The following PTGES3L variants were observed in gnomAD, a reference collection of about 807,000 sequenced individuals.
PTGES3L encodes prostaglandin E synthase 3 like, also known as putative protein PTGES3L.
PTGES3L carries 17 observed loss-of-function variants against 25.0 expected under a neutral mutation model. The observed-to-expected ratio is 0.68, with a 90% CI of 0.47 to 1.02. PTGES3L has a LOEUF of 1.02. Among genes scored for constraint, PTGES3L ranks in the 50% least tolerant of loss-of-function variants. The pLI, the probability that PTGES3L is intolerant of heterozygous loss-of-function variation, is 0.00. For synonymous variants in PTGES3L, 59 were observed against 65.7 expected (o/e 0.90, Z 0.50); for missense variants, 202 against 197.5 (o/e 1.02, Z -0.14).
Position 42,969,084 on chromosome 17 carries a change from G to T in PTGES3L, c.*64C>A. 2 of 1,278,274 alleles carry T rather than the reference G, an allele frequency of 1.6e-6. No individual in the cohort carries two copies. Among genetic ancestry groups the T allele is most frequent in the Non-Finnish European group, 1.1e-6 (1 of 900,012 alleles). 79.2% of individuals were successfully genotyped at this position (1,278,274 alleles called of 1,614,324 possible). A position where few individuals can be genotyped will look rare whatever the true frequency, so the allele number is the denominator to read the frequency against. On this transcript the variant is annotated 3_prime_UTR_variant, in exon 7 of 7. Coordinates refer to ENST00000591916, the MANE Select transcript of PTGES3L (RefSeq NM_001261430.2). ...CCAAAGCGCTGACAAAGGCCTAGGC[G>T]CTAGCTTTCTAGAACAACTGGAAAA...
intron 5 of PTGES3L, among the ~76,000 whole-genome samples, chr17:42,970,678 A>ACACACACACG (rs1243278751): frequency 2.0e-4 from 6 of 29,374 alleles, no homozygotes; most frequent in South Asian, 4.2e-3. Context: ...TAACACGCGC[A>ACACACACACG]CACACACACA....
In PTGES3L at chr17:42,969,136, C is replaced by T. The variant is rs186565863; in HGVS notation, c.*12G>A. On this transcript the variant is annotated 3_prime_UTR_variant, in exon 7 of 7. Coordinates refer to ENST00000591916, the MANE Select transcript of PTGES3L (RefSeq NM_001261430.2). ...AGCCACAGCTGCCTTCCCAGCTTTG[C>T]GTCACAGAAAGTTAATTACTTGTTG... The T allele has an allele frequency of 3.0e-4, 460 of 1,537,636 alleles. 3 individuals carry two copies. The South Asian group carries it at 4.8e-3, about 16-fold the overall frequency.
chr17:42,968,983 A>C lies in PTGES3L; in HGVS notation c.*165T>G. 1.7e-6 allele frequency: 1 copy of C among 574,322 alleles called. No individual in the cohort carries two copies. Among genetic ancestry groups the C allele is most frequent in the Non-Finnish European group, 3.1e-6 (1 of 320,744 alleles). 35.6% of individuals were successfully genotyped at this position (574,322 alleles called of 1,614,324 possible). A position where few individuals can be genotyped will look rare whatever the true frequency, so the allele number is the denominator to read the frequency against. On this transcript the variant is annotated 3_prime_UTR_variant, in exon 7 of 7. Coordinates refer to ENST00000591916, the MANE Select transcript of PTGES3L (RefSeq NM_001261430.2). ...AGCCATAGTCAAGTGCCTAGGAGGA[A>C]GACAAGCTTGAAGGACGACCCTTAA... is the stretch of plus-strand genomic sequence containing the variant.
At chr17:42,975,087 G>T (rs1205994197) in intron 4 of PTGES3L, among the ~76,000 whole-genome samples, 2 of 127,446 alleles carry the variant, frequency 1.6e-5, no homozygotes, top group Non-Finnish European at 3.1e-5. Context: ...TGTGAACCTT[G>T]ATTATGCCAC....
chr17:42,971,395 CA>C (rs2049834184), intron 5 of PTGES3L, among the ~76,000 whole-genome samples: 1 of 152,102 alleles, frequency 6.6e-6, no homozygotes, highest in African/African-American at 2.4e-5. Context: ...ATAAGTGAAT[CA>C]ATGTATATAA....
chr17:42,973,709 C>G (rs1442371829), intron 4 of PTGES3L, among the ~76,000 whole-genome samples: 1 of 148,830 alleles, frequency 6.7e-6, no homozygotes, highest in Non-Finnish European at 1.5e-5. Context: ...ACCCTGTGCT[C>G]TCTGAAACAT....
intron 4 of PTGES3L, among the ~76,000 whole-genome samples, chr17:42,977,604 CA>C (rs1271032462): frequency 2.7e-3 from 143 of 52,532 alleles, no homozygotes; most frequent in Non-Finnish European, 3.2e-3. Flanking sequence ...AACTCTGTCT[CA>C]AAAAAAAAAA....
At chr17:42,978,922 C>T (rs1402308152) in intron 4 of PTGES3L, among the ~76,000 whole-genome samples, 5 of 152,116 alleles carry the variant, frequency 3.3e-5, no homozygotes. Context: ...ATTGCTTGAA[C>T]CCGGGAGGCG....
At chr17:42,976,078 G>T (rs1036317855) in intron 4 of PTGES3L, among the ~76,000 whole-genome samples, 3 of 151,998 alleles carry the variant, frequency 2.0e-5, no homozygotes, top group African/African-American at 7.3e-5. Flanking sequence ...TGCCTCCCGG[G>T]TTCAAGCAAT....
Position 42,971,944 on chromosome 17 carries a change from C to T in PTGES3L, c.289-248G>A. 7.2e-6 allele frequency: 3 copies of T among 415,206 alleles called. No individual in the cohort carries two copies. The South Asian group carries it at 7.8e-5, about 11-fold the overall frequency. 25.7% of individuals were successfully genotyped at this position (415,206 alleles called of 1,614,324 possible). A position where few individuals can be genotyped will look rare whatever the true frequency, so the allele number is the denominator to read the frequency against. ...GTGGCTCATGCCTGTAATCTCAGCA[C>T]TTTGGAAGGCCGAGGCAGGAGGATC... On this transcript the variant is annotated intron_variant, in intron 4 of 6. Transcript: ENST00000591916.
At chr17:42,971,469 TATC>T in intron 5 of PTGES3L, 135 bp downstream of exon 5, 1 of 760,276 alleles carries the variant, frequency 1.3e-6, no homozygotes, top group South Asian at 1.8e-5. Context: ...ACGTAAAGAA[TATC>T]AGCATCAATG....
At chr17:42,979,996 A>C in intron 1 of PTGES3L, 50 bp downstream of exon 1, 1 of 1,520,576 alleles carries the variant, frequency 6.6e-7, no homozygotes, top group Non-Finnish European at 8.8e-7. Flanking sequence ...TGGAGCAGGG[A>C]ATCTCCAGGG....
Position 42,971,672 on chromosome 17 carries a change from C to T in PTGES3L, c.313G>A (p.Asp105Asn). 1 of 1,614,092 alleles carries T rather than the reference C, an allele frequency of 6.2e-7. No homozygotes were observed. The highest frequency in any genetic ancestry group is 1.1e-5 in the South Asian group (1 of 91,076). ...TCCCCTTCCCAGTCTCTCCAGTTAT[C>T]AAAGTCCACAGACAGCCACACTGGC... ...IKPVWLSVDF[D>N]NWRDWEGDEE... The change falls in exon 5 of 7, where the codon GAT (aspartate) becomes AAT (asparagine). Residue 105 changes from aspartate to asparagine, a missense_variant. Asp to Asn is a conservative substitution (Grantham distance 23). Coordinates refer to ENST00000591916, the MANE Select transcript of PTGES3L (RefSeq NM_001261430.2).
chr17:42,978,689 A>G (rs925265117), intron 4 of PTGES3L, among the ~76,000 whole-genome samples: 1 of 141,778 alleles, frequency 7.1e-6, no homozygotes, highest in Non-Finnish European at 1.6e-5. Flanking sequence ...TGTTCTGCAC[A>G]TGTATCCCAG....
rs1300961328 is a variant in PTGES3L at position 42,979,378 on chromosome 17, C to T, written c.189G>A (p.Lys63=). The T allele has an allele frequency of 2.5e-6, 4 of 1,614,066 alleles. No individual in the cohort carries two copies. Among genetic ancestry groups the T allele is most frequent in the Non-Finnish European group, 3.4e-6 (4 of 1,180,048 alleles). ...EIEFYAKVNS[K]DSQDKRSSRS... ...CCTTACTGTCCCATTTCACCCTTAC[C>T]TTGGAGTTCACTTTGGCATAGAACT... is the stretch of plus-strand genomic sequence containing the variant. The change falls in exon 3 of 7, where the codon AAG becomes AAA. Residue 63 remains lysine, a splice_region_variant and synonymous_variant. Transcript: ENST00000591916.
intron 4 of PTGES3L, among the ~76,000 whole-genome samples, chr17:42,976,133 C>T (rs998284569): frequency 2.0e-5 from 3 of 152,140 alleles, no homozygotes; most frequent in African/African-American, 7.2e-5. Flanking sequence ...CAGGCTCGCA[C>T]CACCACGCCC....
chr17:42,977,134 T>A (rs537888133), intron 4 of PTGES3L, among the ~76,000 whole-genome samples: 2 of 151,624 alleles, frequency 1.3e-5, no homozygotes, highest in African/African-American at 4.8e-5. Flanking sequence ...CTACTAAAAA[T>A]ACAAAAAATT....
rs982324939 is a variant in PTGES3L, at chr17:42,971,615, A to G, written c.370T>C (p.Tyr124His). The change falls in exon 5 of 7, where the codon TAT (tyrosine) becomes CAT (histidine). Residue 124 changes from tyrosine (Y) to histidine (H), a missense_variant. By Grantham distance (83) the Tyr-to-His change is moderately conservative. Transcript: ENST00000591916. ...TAGGTGTTGTCTCTCACCTCTGCAT[A>G]ATGTTCCACATGAGCCAGCTCCATC... is the stretch of plus-strand genomic sequence containing the variant. ...EEMELAHVEH[Y>H]AELLKKVSTK... 5.0e-6 allele frequency: 8 copies of G among 1,613,952 alleles called. No individual in the cohort carries two copies. The Admixed American group carries it at 1.3e-4, about 27-fold the overall frequency.
At chr17:42,974,025 TAA>T (rs900792544) in intron 4 of PTGES3L, among the ~76,000 whole-genome samples, 1 of 148,028 alleles carries the variant, frequency 6.8e-6, no homozygotes, top group Non-Finnish European at 1.5e-5. Flanking sequence ...AAAATAAAAA[TAA>T]AAAAAAATAA....
Sources: gnomAD v4.1 joint callset for allele counts (sites outside exome capture counted in the v4.1 genomes callset) on GRCh38, gnomAD v4.1.1 for gene constraint, MANE v1.5 for transcripts, NCBI Gene and HGNC (gene_info 2026-07-23, HGNC 2026-07-21) for gene names.